CNTN4: variants seen among roughly 807,000 people sequenced by gnomAD.
The protein encoded by CNTN4 is contactin 4, also known as contactin-4.
In CNTN4, 77 loss-of-function variants were observed where a neutral mutation model predicts 122.5. The ratio of observed to expected loss-of-function variants is 0.63; its 90% CI spans 0.52 to 0.76. CNTN4 has a LOEUF of 0.76. Among genes scored for constraint, CNTN4 ranks in the 30% least tolerant of loss-of-function variants. The probability of loss-of-function intolerance (pLI) is 0.00; values close to 1 mark genes in which losing one functional copy is unlikely to be tolerated. For missense variants in CNTN4, 1,256 were observed against 1,259.1 expected, an observed-to-expected ratio of 1.00 and a Z score of 0.04; for synonymous variants, 512 against 447.0, an observed-to-expected ratio of 1.15 and a Z score of -1.83.
chr3:2,748,629 C>G (rs2089925159), intron 6 of CNTN4, among the ~76,000 whole-genome samples: 1 of 152,168 alleles, frequency 6.6e-6, no homozygotes, highest in African/African-American at 2.4e-5. Flanking sequence ...GCCAAATATA[C>G]TATAATCGAA....
chr3:2,246,172 T>C (rs2040138017), intron 2 of CNTN4, among the ~76,000 whole-genome samples: 1 of 151,620 alleles, frequency 6.6e-6, no homozygotes, highest in Admixed American at 6.6e-5. Context: ...AAAAAAAATA[T>C]CATACAATGC....
In CNTN4 at chr3:2,273,885, C is replaced by T. The variant is rs181463594; in HGVS notation, c.-144-65293C>T. ...TGTATCTTTTTTTCTTATGAGGTAT[C>T]TAAGATAGAAGAATTTCTTTTTCTT... is the stretch of plus-strand genomic sequence containing the variant. On this transcript the variant is annotated intron_variant, in intron 2 of 24. Coordinates refer to ENST00000418658, the MANE Select transcript of CNTN4 (RefSeq NM_175607.3). Among the ~76,000 whole-genome samples, 78 of 152,138 alleles carry T rather than the reference C, an allele frequency of 5.1e-4. No homozygotes were observed. The East Asian group carries it at 0.014, about 27-fold the overall frequency.
chr3:2,990,558 A>G (rs891730633), intron 14 of CNTN4, among the ~76,000 whole-genome samples: 2 of 152,194 alleles, frequency 1.3e-5, no homozygotes, highest in Admixed American at 1.3e-4. Context: ...AAGAGTTGGC[A>G]GAAAGGAGAG....
At chr3:2,612,316 A>G (rs2081534730) in intron 4 of CNTN4, among the ~76,000 whole-genome samples, 1 of 152,174 alleles carries the variant, frequency 6.6e-6, no homozygotes, top group Admixed American at 6.6e-5. Context: ...ACATTGGTCA[A>G]AATCATCTAA....
At chr3:2,580,939 C>A (rs2619567) in intron 4 of CNTN4, among the ~76,000 whole-genome samples, 78,183 of 152,004 alleles carry the variant, frequency 0.51, 21,076 homozygotes, top group East Asian at 0.68. Context: ...CTGCCCAGGT[C>A]CAAAGCCTGG....
intron 10 of CNTN4, among the ~76,000 whole-genome samples, chr3:2,893,942 A>G (rs2094076202): frequency 6.6e-6 from 1 of 152,306 alleles, no homozygotes; most frequent in Admixed American, 6.5e-5. Context: ...TGTGAGTTAT[A>G]TCTACCCATA....
At chr3:2,426,473 G>A (rs932209034) in intron 3 of CNTN4, among the ~76,000 whole-genome samples, 13 of 152,260 alleles carry the variant, frequency 8.5e-5, no homozygotes, top group Non-Finnish European at 1.8e-4. Context: ...CGGTTTGCCA[G>A]TATTTTAATG....
At chr3:2,590,896 T>A (rs1010620461) in intron 4 of CNTN4, among the ~76,000 whole-genome samples, 1 of 152,132 alleles carries the variant, frequency 6.6e-6, no homozygotes, top group African/African-American at 2.4e-5. Flanking sequence ...TATTGAAGTA[T>A]AATTGACATG....
At chr3:2,933,069 G>A (rs970041490) in intron 13 of CNTN4, among the ~76,000 whole-genome samples, 16 of 152,108 alleles carry the variant, frequency 1.1e-4, no homozygotes, top group African/African-American at 2.4e-4. Context: ...TGATCCGCCC[G>A]CCTCGGCCTC....
At chr3:2,104,948 G>C (rs1328450290) in intron 2 of CNTN4, among the ~76,000 whole-genome samples, 2 of 152,076 alleles carry the variant, frequency 1.3e-5, no homozygotes, top group African/African-American at 4.8e-5. Context: ...ATATGGTCTG[G>C]GTGGGATTCC....
intron 6 of CNTN4, 120 bp from the exon 7 acceptor site, chr3:2,819,366 G>A (rs1252297117): frequency 8.0e-5 from 60 of 753,834 alleles, no homozygotes; most frequent in African/African-American, 1.2e-4. Context: ...GAATTCCCCC[G>A]GTATGGGTGC....
chr3:2,110,974 C>T (rs923763133), intron 2 of CNTN4, among the ~76,000 whole-genome samples: 1 of 152,128 alleles, frequency 6.6e-6, no homozygotes, highest in African/African-American at 2.4e-5. Flanking sequence ...GCTATCTTAC[C>T]TGTAGTACAA....
chr3:2,818,555 A>G (rs7349513), intron 6 of CNTN4, among the ~76,000 whole-genome samples: 30,656 of 152,214 alleles, frequency 0.2, 3,887 homozygotes, highest in Non-Finnish European at 0.29. Flanking sequence ...TGTAATAGAC[A>G]ACAAAAAACG....
intron 8 of CNTN4, among the ~76,000 whole-genome samples, chr3:2,882,366 G>GAA (rs950535560): frequency 1.5e-5 from 2 of 131,744 alleles, no homozygotes; most frequent in Non-Finnish European, 3.3e-5. Context: ...ACTTCGTCTC[G>GAA]AAAAAAAAAA....
At chr3:2,739,526 C>T (rs1437995140) in intron 5 of CNTN4, among the ~76,000 whole-genome samples, 1 of 152,040 alleles carries the variant, frequency 6.6e-6, no homozygotes, top group Non-Finnish European at 1.5e-5. Context: ...CAGCCAAATG[C>T]ATAGTATGTA....
At chr3:2,609,260 G>A (rs1382486938) in intron 4 of CNTN4, among the ~76,000 whole-genome samples, 1 of 152,186 alleles carries the variant, frequency 6.6e-6, no homozygotes. Flanking sequence ...GAATGGATTA[G>A]CACCTTAGAA....
At chr3:2,148,257 G>C (rs1338694830) in intron 2 of CNTN4, among the ~76,000 whole-genome samples, 2 of 152,144 alleles carry the variant, frequency 1.3e-5, no homozygotes, top group African/African-American at 4.8e-5. Flanking sequence ...AGCAAGGCCG[G>C]GCGCAGTGGC....
chr3:2,591,568 T>A lies in CNTN4; in HGVS notation c.55+20010T>A, dbSNP rs560983954. On this transcript the variant is annotated intron_variant, in intron 4 of 24. Coordinates refer to ENST00000418658, the MANE Select transcript of CNTN4 (RefSeq NM_175607.3). ...TTTAGTAGAGACGGGGTTTCACCGT[T>A]TTAGCCAGGATGGTCTCGATCTCCT... 2.8e-5 allele frequency among the ~76,000 whole-genome samples: 3 copies of A among 107,760 alleles called. 1 individual carries two copies. The highest frequency in any genetic ancestry group is 6.0e-5 in the Non-Finnish European group (3 of 49,760). 70.7% of individuals were successfully genotyped at this position (107,760 alleles called of 152,430 possible). A position where few individuals can be genotyped will look rare whatever the true frequency, so the allele number is the denominator to read the frequency against.
At chr3:2,238,764 G>A (rs1309705230) in intron 2 of CNTN4, 3 of 84,978 alleles carry the variant, frequency 3.5e-5, no homozygotes, top group African/African-American at 1.1e-4. Context: ...GTCTGGCCCT[G>A]TCGCCCAGGC....
Sources: allele counts gnomAD v4.1 joint callset (sites outside exome capture counted in the v4.1 genomes callset), GRCh38; gene constraint gnomAD v4.1.1; transcripts MANE v1.5; gene names NCBI Gene and HGNC (gene_info 2026-07-23, HGNC 2026-07-21).